Variants in PAN3 observed in about 807,000 individuals in gnomAD.
The protein encoded by PAN3 is PAN2-PAN3 deadenylation complex subunit PAN3.
PAN3 carries 19 observed loss-of-function variants against 96.2 expected under a neutral mutation model. That is an observed-to-expected ratio of 0.20 (90% CI 0.14 to 0.29). PAN3 has a LOEUF of 0.29. Among genes scored for constraint, PAN3 ranks in the 10% least tolerant of loss-of-function variants. PAN3 has a pLI of 1.00. For missense variants in PAN3, 882 were observed against 1,108.1 expected (o/e 0.80, Z 2.90); for synonymous variants, 433 against 406.6 (o/e 1.06, Z -0.78).
At position 28,260,453 on chromosome 13, in the gene PAN3, C is replaced by A; in HGVS notation, c.1255C>A (p.Pro419Thr). 1.2e-6 allele frequency: 2 copies of A among 1,610,492 alleles called. No homozygotes were observed. The highest frequency in any genetic ancestry group is 1.7e-6 in the Non-Finnish European group (2 of 1,176,920). The change falls in exon 8 of 19, where the codon CCA becomes ACA. Residue 419 changes from proline (P) to threonine (T), a missense_variant. Physicochemically the swap from Pro to Thr is conservative, Grantham distance 38 (BLOSUM62 -1). Transcript: ENST00000380958. Reference sequence around the variant, plus strand: ...CCCCTTCCTACCTTTTTAGGTGTTTCCAAACTATCATATTTATCCTCCAAC... The same window carrying A: ...CCCCTTCCTACCTTTTTAGGTGTTTACAAACTATCATATTTATCCTCCAAC... ...TPAPLTGMVF[P>T]NYHIYPPTAP...
intron 4 of PAN3, among the ~76,000 whole-genome samples, chr13:28,184,080 C>T (rs1007809214): frequency 6.6e-6 from 1 of 152,142 alleles, no homozygotes; most frequent in Non-Finnish European, 1.5e-5. Context: ...CCTCCTCCCC[C>T]AGTATTAATT....
At chr13:28,289,738 C>T (rs960788710) in intron 18 of PAN3, among the ~76,000 whole-genome samples, 9 of 152,184 alleles carry the variant, frequency 5.9e-5, no homozygotes, top group Non-Finnish European at 1.2e-4. Context: ...AAAAGTTAGC[C>T]GGGCATGGTG....
At chr13:28,279,171 G>T (rs1211131971) in intron 15 of PAN3, among the ~76,000 whole-genome samples, 7 of 152,126 alleles carry the variant, frequency 4.6e-5, no homozygotes, top group African/African-American at 1.7e-4. Context: ...GAATCTTTGT[G>T]TTCTAACAGG....
In PAN3 at chr13:28,266,791, A is replaced by G. The variant is rs1474469990; in HGVS notation, c.1488A>G (p.Lys496=). The G allele has an allele frequency of 1.2e-6, 2 of 1,611,092 alleles. No homozygotes were observed. The highest frequency in any genetic ancestry group is 1.1e-5 in the South Asian group (1 of 90,652). Residue 496 remains lysine (K), a synonymous_variant, in exon 10 of 19, where the codon AAA becomes AAG. Coordinates refer to ENST00000380958, the MANE Select transcript of PAN3 (RefSeq NM_175854.8). The part of the protein sequence containing the change: ...EPLPPPNRIQ[K]SSNFGYITSC... ...TGCCACCTCCCAACCGGATACAGAA[A>G]TCAAGTAATTTTGGATATATTACAT... is the stretch of plus-strand genomic sequence containing the variant.
At chr13:28,204,430 A>G (rs1879109329) in intron 5 of PAN3, among the ~76,000 whole-genome samples, 1 of 152,226 alleles carries the variant, frequency 6.6e-6, no homozygotes. Flanking sequence ...TTCCAAGCAC[A>G]TAATAGATAT....
intron 1 of PAN3, among the ~76,000 whole-genome samples, chr13:28,157,303 A>C (rs559388775): frequency 1.3e-5 from 2 of 152,286 alleles, no homozygotes; most frequent in Non-Finnish European, 2.9e-5. Context: ...GAACTGGAAC[A>C]AGACAAGGAT....
chr13:28,245,409 T>G (rs1206449935), intron 6 of PAN3, among the ~76,000 whole-genome samples: 1 of 151,814 alleles, frequency 6.6e-6, no homozygotes, highest in African/African-American at 2.4e-5. Context: ...TTTTACATTG[T>G]ATTTCATTGT....
intron 5 of PAN3, among the ~76,000 whole-genome samples, chr13:28,217,451 A>G (rs1403313518): frequency 1.3e-5 from 2 of 151,992 alleles, no homozygotes; most frequent in South Asian, 2.1e-4. Context: ...GCTTGGTGAC[A>G]CACACCTGTA....
intron 5 of PAN3, among the ~76,000 whole-genome samples, chr13:28,201,581 G>A (rs1427527327): frequency 2.6e-5 from 4 of 151,602 alleles, no homozygotes; most frequent in Non-Finnish European, 5.9e-5. Flanking sequence ...TTAAGAGACG[G>A]GGGAGTGGGG....
At chr13:28,167,249 G>T (rs1244720817) in intron 1 of PAN3, among the ~76,000 whole-genome samples, 1 of 151,782 alleles carries the variant, frequency 6.6e-6, no homozygotes, top group African/African-American at 2.4e-5. Flanking sequence ...CTAGAGTGCA[G>T]TGGCACAATC....
intron 6 of PAN3, among the ~76,000 whole-genome samples, chr13:28,244,817 T>A (rs909729291): frequency 1.3e-5 from 2 of 151,988 alleles, no homozygotes; most frequent in Non-Finnish European, 1.5e-5. Flanking sequence ...TAGATATAAT[T>A]AGCTTGGTTA....
chr13:28,144,513 C>T (rs188389410), intron 1 of PAN3, among the ~76,000 whole-genome samples: 91 of 151,862 alleles, frequency 6.0e-4, no homozygotes, highest in Admixed American at 1.2e-3. Flanking sequence ...CTGGGCCCGG[C>T]CGGTTTCGAT....
Position 28,219,620 on chromosome 13 carries a change from G to A in PAN3, c.853-611G>A, listed in dbSNP as rs45577031. ...TACCACTGTGAAAAAGGTGTTTTCC[G>A]TGTAATCTCATAGCCAAATATTTTT... On this transcript the variant is annotated intron_variant, in intron 5 of 18. Transcript: ENST00000380958. Among the ~76,000 whole-genome samples, 1,152 of 152,312 alleles carry A rather than the reference G, an allele frequency of 7.6e-3. 10 individuals are homozygous for A. The highest frequency in any genetic ancestry group is 0.026 in the African/African-American group (1,086 of 41,562).
chr13:28,203,698 A>T (rs1406292519), intron 5 of PAN3, among the ~76,000 whole-genome samples: 1 of 152,236 alleles, frequency 6.6e-6, no homozygotes, highest in African/African-American at 2.4e-5. Context: ...GTTTAACATT[A>T]TCCAAGTATT....
chr13:28,187,055 G>C (rs1876574703), intron 4 of PAN3, among the ~76,000 whole-genome samples: 2 of 151,890 alleles, frequency 1.3e-5, no homozygotes, highest in African/African-American at 4.8e-5. Flanking sequence ...GCCCTCGTGA[G>C]ATGACTCACA....
At chr13:28,262,810 C>T (rs186807717) in intron 9 of PAN3, among the ~76,000 whole-genome samples, 16 of 152,178 alleles carry the variant, frequency 1.1e-4, no homozygotes, top group Admixed American at 9.2e-4. Flanking sequence ...AAAGCAAATG[C>T]TACTTAAAAT....
chr13:28,176,585 G>C (rs373495409), intron 3 of PAN3, 26 bp downstream of exon 3: 1 of 1,595,402 alleles, frequency 6.3e-7, no homozygotes, highest in Admixed American at 1.7e-5. Flanking sequence ...TTTTGCTTAT[G>C]TGTGTCTGTG....
chr13:28,240,702 G>A (rs1346618987), intron 6 of PAN3, among the ~76,000 whole-genome samples: 1 of 152,150 alleles, frequency 6.6e-6, no homozygotes, highest in Non-Finnish European at 1.5e-5. Context: ...TGTTAAGCTT[G>A]ATACTTTTGA....
At chr13:28,273,218 G>A (rs902664996) in intron 14 of PAN3, among the ~76,000 whole-genome samples, 3 of 152,092 alleles carry the variant, frequency 2.0e-5, no homozygotes, top group Non-Finnish European at 4.4e-5. Flanking sequence ...TTTAGGCCTC[G>A]TGATGCTTCT....
Sources: gnomAD v4.1 joint callset for allele counts (sites outside exome capture counted in the v4.1 genomes callset) on GRCh38, gnomAD v4.1.1 for gene constraint, MANE v1.5 for transcripts, NCBI Gene and HGNC (gene_info 2026-07-23, HGNC 2026-07-21) for gene names.